Variants in SENP5 observed in about 807,000 individuals in gnomAD.
SENP5 encodes the protein SUMO specific peptidase 5, also known as sentrin-specific protease 5.
Under a neutral mutation model 74.2 loss-of-function variants are expected in SENP5, and 21 were observed. The observed-to-expected ratio is 0.28, with a 90% CI of 0.20 to 0.41. SENP5 has a LOEUF of 0.41. SENP5 is among the 10% of genes least tolerant of loss of function. The pLI is 1.00. For missense variants in SENP5, 717 were observed against 889.1 expected (o/e 0.81, Z 2.46); for synonymous variants, 311 against 312.7 (o/e 0.99, Z 0.06).
chr3:196,914,586 A>AAAAAAAAAAAAAAAATATATATAT, intron 6 of SENP5: 5 of 33,492 alleles, frequency 1.5e-4, no homozygotes, highest in Non-Finnish European at 2.5e-4. Flanking sequence ...AAAAAAAAAA[A>AAAAAAAAAAAAAAAATATATATAT]ATATATATAT....
intron 6 of SENP5, among the ~76,000 whole-genome samples, chr3:196,919,805 A>AT (rs768782375): frequency 9.9e-4 from 149 of 151,246 alleles, no homozygotes; most frequent in Non-Finnish European, 1.9e-3. Context: ...AAAAAAAAAA[A>AT]GGGAGGGATC....
chr3:196,883,046 G>A (rs190319213), intron 1 of SENP5, among the ~76,000 whole-genome samples: 9 of 151,982 alleles, frequency 5.9e-5, no homozygotes, highest in Admixed American at 5.2e-4. Flanking sequence ...TGTGTTCGGA[G>A]TCTCATATGC....
rs990919256 is a variant in SENP5, at chr3:196,933,931, G to A, written c.*3008G>A. ...CCTTACGCTTTTGAGGTTGAGTGCA[G>A]GCCTTGTGATAACTAAGCGCTACTT... On this transcript the variant is annotated 3_prime_UTR_variant, in exon 10 of 10. Transcript: ENST00000323460. The A allele has an allele frequency of 6.6e-6, 1 of 152,156 alleles. No individual in the cohort carries two copies. Among genetic ancestry groups the A allele is most frequent in the Non-Finnish European group, 1.5e-5 (1 of 68,036 alleles). The allele number at this position is 152,156 out of a possible 1,614,324, so 9.4% of individuals were successfully genotyped here.
At chr3:196,919,446 A>G (rs920009617) in intron 6 of SENP5, among the ~76,000 whole-genome samples, 1 of 152,172 alleles carries the variant, frequency 6.6e-6, no homozygotes, top group Admixed American at 6.5e-5. Flanking sequence ...GCACCACTGC[A>G]CTCCAGCCTG....
Position 196,875,626 on chromosome 3 carries a change from A to G in SENP5, c.-32+7553A>G, listed in dbSNP as rs75442997. On this transcript the variant is annotated intron_variant, in intron 1 of 9. Transcript: ENST00000323460. ...GCTCATCATTTGTCTCAGCTGAAAA[A>G]TAATTTCTTCAGAGAAAAAATAATT... 4.5e-3 allele frequency among the ~76,000 whole-genome samples: 682 copies of G among 152,298 alleles called. 32 individuals carry two copies. In the East Asian group the frequency reaches 0.12, roughly 27 times the overall value.
chr3:196,927,669 C>T (rs2108867225), intron 7 of SENP5, 127 bp from the exon 8 acceptor site: 2 of 493,354 alleles, frequency 4.1e-6, no homozygotes, highest in Admixed American at 3.5e-5. Context: ...GTTCCAGCTT[C>T]TTAATGCATA....
chr3:196,922,035 A>G (rs7642425), intron 6 of SENP5, among the ~76,000 whole-genome samples: 29,481 of 152,130 alleles, frequency 0.19, 3,773 homozygotes, highest in South Asian at 0.37. Flanking sequence ...ATATATTATG[A>G]TATAAAATAT....
rs780202410 is a variant in SENP5, at chr3:196,885,270, A to G, written c.89A>G (p.Lys30Arg). The change falls in exon 2 of 10, where the codon AAG becomes AGG. Residue 30 changes from lysine to arginine, a missense_variant. By Grantham distance (26) the Lys-to-Arg change is conservative. This residue lies in a region of SENP5 where 567 missense variants were observed against 577.4 expected (regional missense o/e 0.98). Transcript: ENST00000323460. Reference sequence around the variant, plus strand: ...AATACTGGGTTTGGAGGCTTTAAGAAGTTTTATTTTCACCAACACTTGTGC... The same window carrying G: ...AATACTGGGTTTGGAGGCTTTAAGAGGTTTTATTTTCACCAACACTTGTGC... ...KWNTGFGGFK[K>R]FYFHQHLCIL... 1 of 1,614,140 alleles carries G rather than the reference A, an allele frequency of 6.2e-7. No individual in the cohort carries two copies.
chr3:196,916,256 G>A (rs1715369072), intron 6 of SENP5, among the ~76,000 whole-genome samples: 1 of 152,008 alleles, frequency 6.6e-6, no homozygotes, highest in Admixed American at 6.5e-5. Flanking sequence ...AAACTTGAGA[G>A]GTGGAGGTTG....
chr3:196,920,473 T>C (rs1471635315), intron 6 of SENP5, among the ~76,000 whole-genome samples: 5 of 152,230 alleles, frequency 3.3e-5, no homozygotes, highest in African/African-American at 4.8e-5. Flanking sequence ...TAGACACTTA[T>C]AAGTAGTGAC....
intron 2 of SENP5, among the ~76,000 whole-genome samples, chr3:196,898,907 T>C (rs77161418): frequency 6.8e-6 from 1 of 147,348 alleles, no homozygotes; most frequent in Non-Finnish European, 1.5e-5. Flanking sequence ...ATTCCATTCG[T>C]CTCTACTAAA....
At position 196,932,759 on chromosome 3, in the gene SENP5, G is replaced by A. The variant is rs893329449; in HGVS notation, c.*1836G>A. On this transcript the variant is annotated 3_prime_UTR_variant, in exon 10 of 10. Coordinates refer to ENST00000323460, the MANE Select transcript of SENP5 (RefSeq NM_152699.5). ...TTTTTTTTTTTTTTTTTTTTTTTGT[G>A]GGGGTGTGGTATACCAAAGTAGCCA... 2.1e-5 allele frequency: 2 copies of A among 94,650 alleles called. No homozygotes were observed. The highest frequency in any genetic ancestry group is 4.4e-5 in the Non-Finnish European group (2 of 45,932). The allele number at this position is 94,650 out of a possible 1,614,324, so 5.9% of individuals were successfully genotyped here.
chr3:196,915,540 C>T (rs1715332365), intron 6 of SENP5, among the ~76,000 whole-genome samples: 1 of 152,170 alleles, frequency 6.6e-6, no homozygotes, highest in Non-Finnish European at 1.5e-5. Context: ...GTAAAGAGCC[C>T]TTGGACCTTG....
At chr3:196,876,748 G>T (rs1159574815) in intron 1 of SENP5, among the ~76,000 whole-genome samples, 3 of 150,108 alleles carry the variant, frequency 2.0e-5, no homozygotes, top group Admixed American at 6.7e-5. Context: ...GCGTGGTGGT[G>T]TGTGTCTGCT....
intron 6 of SENP5, among the ~76,000 whole-genome samples, chr3:196,920,689 A>T (rs901271416): frequency 6.6e-6 from 1 of 152,164 alleles, no homozygotes. Context: ...AGAGTTTTTA[A>T]TCATAAGTAA....
At chr3:196,908,748 G>A (rs1288980047) in intron 6 of SENP5, among the ~76,000 whole-genome samples, 4 of 152,130 alleles carry the variant, frequency 2.6e-5, no homozygotes, top group African/African-American at 9.7e-5. Flanking sequence ...ACTTGAACCC[G>A]GGAGGTGGAG....
intron 1 of SENP5, among the ~76,000 whole-genome samples, chr3:196,879,473 T>C (rs777427901): frequency 3.3e-5 from 5 of 152,252 alleles, no homozygotes; most frequent in Admixed American, 6.5e-5. Context: ...TCATACACTT[T>C]AGAAATTCTA....
intron 6 of SENP5, chr3:196,914,697 TAGTAC>T (rs1715301582): frequency 6.8e-6 from 1 of 146,398 alleles, no homozygotes; most frequent in Non-Finnish European, 1.5e-5. Context: ...GATGGCAGAA[TAGTAC>T]CCTTCAACCA....
chr3:196,899,911 C>A lies in SENP5; in HGVS notation c.1620-13C>A. The A allele has an allele frequency of 6.2e-7, 1 of 1,611,024 alleles. No homozygotes were observed. The highest frequency in any genetic ancestry group is 2.2e-5 in the East Asian group (1 of 44,850). ...TTTTTTTTACCTTTTGTTTCAAAAT[C>A]TTTCTCTTTCAGAAAACCATTTATC... On this transcript the variant is annotated splice_polypyrimidine_tract_variant and intron_variant, in intron 3 of 9. Coordinates refer to ENST00000323460, the MANE Select transcript of SENP5 (RefSeq NM_152699.5).
Sources: gnomAD v4.1 joint callset for allele counts (sites outside exome capture counted in the v4.1 genomes callset) on GRCh38, gnomAD v4.1.1 for gene constraint, gnomAD v4.1.1 regional missense constraint, MANE v1.5 for transcripts, NCBI Gene and HGNC (gene_info 2026-07-23, HGNC 2026-07-21) for gene names.